The following HS6ST3 variants were observed in gnomAD, a reference collection of about 807,000 sequenced individuals.
HS6ST3 encodes heparan-sulfate 6-O-sulfotransferase 3.
Under a neutral mutation model 36.7 loss-of-function variants are expected in HS6ST3, and 12 were observed. That is an observed-to-expected ratio of 0.33 (90% CI 0.21 to 0.53). HS6ST3 has a LOEUF of 0.53. Ranked by LOEUF, HS6ST3 falls within the 20% of genes least tolerant of loss-of-function variation. HS6ST3 has a pLI of 0.95. For synonymous variants in HS6ST3, 240 were observed against 257.5 expected (o/e 0.93, Z 0.65); for missense variants, 584 against 640.9 (o/e 0.91, Z 0.96).
chr13:96,790,788 C>G (rs952827171), intron 1 of HS6ST3, among the ~76,000 whole-genome samples: 1 of 152,046 alleles, frequency 6.6e-6, no homozygotes, highest in Non-Finnish European at 1.5e-5. Flanking sequence ...CAGTCACCTT[C>G]ACAGGTGATT....
At chr13:96,601,921 G>C (rs1188689870) in intron 1 of HS6ST3, among the ~76,000 whole-genome samples, 1 of 152,170 alleles carries the variant, frequency 6.6e-6, no homozygotes, top group Non-Finnish European at 1.5e-5. Flanking sequence ...CTCAGATGCT[G>C]GTTATAGTAG....
In HS6ST3 at chr13:96,492,320, G is replaced by A. The variant is rs79051697; in HGVS notation, c.708-340170G>A. Among the ~76,000 whole-genome samples, 906 of 152,310 alleles carry A rather than the reference G, an allele frequency of 5.9e-3. 62 individuals carry two copies. In the East Asian group the frequency reaches 0.15, roughly 25 times the overall value. ...CTCTCAGCCAACTTTGGAAAGGTTA[G>A]CATCTTACGTTACTTCAAAATTTGT... On this transcript the variant is annotated intron_variant, in intron 1 of 1. Transcript: ENST00000376705.
intron 1 of HS6ST3, among the ~76,000 whole-genome samples, chr13:96,241,825 G>A (rs1299435232): frequency 2.2e-5 from 3 of 138,150 alleles, no homozygotes; most frequent in Non-Finnish European, 4.5e-5. Context: ...TGGCTCTGTC[G>A]CCAAGGCTGG....
chr13:96,709,054 C>G (rs1594841791), intron 1 of HS6ST3, among the ~76,000 whole-genome samples: 1 of 152,192 alleles, frequency 6.6e-6, no homozygotes, highest in African/African-American at 2.4e-5. Flanking sequence ...AGGGAGAAAC[C>G]TGGTAGGAGG....
intron 1 of HS6ST3, among the ~76,000 whole-genome samples, chr13:96,485,113 T>C (rs1393128917): frequency 1.3e-5 from 2 of 152,174 alleles, no homozygotes; most frequent in African/African-American, 4.8e-5. Flanking sequence ...TTTATCAATG[T>C]CCACAAAATA....
In HS6ST3 at chr13:96,090,929, T is replaced by C. The variant is rs1450259717; in HGVS notation, c.67T>C (p.Tyr23His). ...VLTLLFVVIM[Y>H]QYVSPSCTSS... ...CACTCTCCTCTTCGTGGTCATCATGTACCAGTACGTGTCCCCCTCCTGCAC... is the reference window on the plus strand; with the variant it reads ...CACTCTCCTCTTCGTGGTCATCATGCACCAGTACGTGTCCCCCTCCTGCAC... The change falls in exon 1 of 2, where the codon TAC becomes CAC. Residue 23 changes from tyrosine (Y) to histidine (H), a missense_variant. Transcript: ENST00000376705. 11 of 1,502,602 alleles carry C rather than the reference T, an allele frequency of 7.3e-6. No individual in the cohort carries two copies. Among genetic ancestry groups the C allele is most frequent in the Non-Finnish European group, 9.8e-6 (11 of 1,120,012 alleles). 93.1% of individuals were successfully genotyped at this position (1,502,602 alleles called of 1,614,324 possible).
chr13:96,636,433 G>C (rs1265419313), intron 1 of HS6ST3, among the ~76,000 whole-genome samples: 1 of 152,116 alleles, frequency 6.6e-6, no homozygotes, highest in African/African-American at 2.4e-5. Flanking sequence ...GGGCTGAGAG[G>C]AGAATTTGGC....
In HS6ST3 at chr13:96,315,025, C is replaced by T. The variant is rs138541006; in HGVS notation, c.707+223456C>T. 7.2e-4 allele frequency among the ~76,000 whole-genome samples: 110 copies of T among 152,200 alleles called. 2 individuals carry two copies. Among genetic ancestry groups the T allele is most frequent in the African/African-American group, 2.5e-3 (105 of 41,534 alleles). On this transcript the variant is annotated intron_variant, in intron 1 of 1. Coordinates refer to ENST00000376705, the MANE Select transcript of HS6ST3 (RefSeq NM_153456.4). ...TTTCCCAAGTCTAACACTAGATCTG[C>T]AGATGAACAGACCTTACCTAAATGT...
At chr13:96,426,798 A>G (rs548888516) in intron 1 of HS6ST3, among the ~76,000 whole-genome samples, 4 of 152,122 alleles carry the variant, frequency 2.6e-5, no homozygotes, top group Non-Finnish European at 5.9e-5. Flanking sequence ...TTGTTTCCTT[A>G]AATAGTATGT....
intron 1 of HS6ST3, among the ~76,000 whole-genome samples, chr13:96,157,143 A>T (rs1323617313): frequency 6.6e-6 from 1 of 152,216 alleles, no homozygotes; most frequent in Non-Finnish European, 1.5e-5. Flanking sequence ...AAGGTCTTTA[A>T]TCGCTAACCT....
At chr13:96,381,674 G>A (rs1024926757) in intron 1 of HS6ST3, among the ~76,000 whole-genome samples, 2 of 152,144 alleles carry the variant, frequency 1.3e-5, no homozygotes, top group African/African-American at 4.8e-5. Flanking sequence ...GGTAGGGATA[G>A]CTCTGGAGGT....
At position 96,317,352 on chromosome 13, in the gene HS6ST3, A is replaced by T. The variant is rs1345630659; in HGVS notation, c.707+225783A>T. On this transcript the variant is annotated intron_variant, in intron 1 of 1. Transcript: ENST00000376705. ...TATATATATATATATATATATATAT[A>T]TATATATATATATATAAAATTATAT... Among the ~76,000 whole-genome samples the T allele has an allele frequency of 7.2e-4, 51 of 71,028 alleles. 1 individual carries two copies. Among genetic ancestry groups the T allele is most frequent in the Middle Eastern group, 7.5e-3 (1 of 134 alleles). 46.6% of individuals were successfully genotyped at this position (71,028 alleles called of 152,430 possible).
intron 1 of HS6ST3, among the ~76,000 whole-genome samples, chr13:96,135,048 G>C (rs887051891): frequency 2.0e-5 from 3 of 152,156 alleles, no homozygotes; most frequent in Non-Finnish European, 4.4e-5. Context: ...AGAGGGGAAG[G>C]CTGCTCCTGA....
chr13:96,221,207 A>G (rs979744760), intron 1 of HS6ST3, among the ~76,000 whole-genome samples: 7 of 152,218 alleles, frequency 4.6e-5, no homozygotes, highest in Admixed American at 3.9e-4. Context: ...TTGATTAATT[A>G]GAAAGCAGTT....
At chr13:96,733,363 G>A (rs1294942220) in intron 1 of HS6ST3, among the ~76,000 whole-genome samples, 1 of 152,122 alleles carries the variant, frequency 6.6e-6, no homozygotes, top group Non-Finnish European at 1.5e-5. Flanking sequence ...TTTGCCAAAT[G>A]CTTTTTCTAT....
intron 1 of HS6ST3, among the ~76,000 whole-genome samples, chr13:96,465,673 A>G (rs1887599): frequency 0.83 from 125,934 of 152,030 alleles, 53,815 homozygotes; most frequent in Non-Finnish European, 0.95. Flanking sequence ...TCTGAGGTAA[A>G]GTACAATTTT....
In HS6ST3 at chr13:96,135,923, C is replaced by T. The variant is rs2053999374; in HGVS notation, c.707+44354C>T. Among the ~76,000 whole-genome samples the T allele has an allele frequency of 3.9e-5, 6 of 152,338 alleles. 1 individual carries two copies. The South Asian group carries it at 1.0e-3, about 26-fold the overall frequency. ...CCAACAAACTACACCTGGCAACCTTCACTTACCCCAAAAGAAAGGGCCTCT... is the reference window on the plus strand; with the variant it reads ...CCAACAAACTACACCTGGCAACCTTTACTTACCCCAAAAGAAAGGGCCTCT... On this transcript the variant is annotated intron_variant, in intron 1 of 1. Transcript: ENST00000376705.
At chr13:96,747,312 C>G (rs1230883508) in intron 1 of HS6ST3, among the ~76,000 whole-genome samples, 1 of 152,002 alleles carries the variant, frequency 6.6e-6, no homozygotes, top group African/African-American at 2.4e-5. Flanking sequence ...GAAAAAAGAT[C>G]AATTATATTT....
intron 1 of HS6ST3, among the ~76,000 whole-genome samples, chr13:96,439,207 T>C (rs1178567256): frequency 6.6e-6 from 1 of 152,236 alleles, no homozygotes; most frequent in Admixed American, 6.5e-5. Context: ...GTTCTAGTTC[T>C]AGCTCTATCA....
Sources: gnomAD v4.1 joint callset for allele counts (sites outside exome capture counted in the v4.1 genomes callset) on GRCh38, gnomAD v4.1.1 for gene constraint, MANE v1.5 for transcripts, NCBI Gene and HGNC (gene_info 2026-07-23, HGNC 2026-07-21) for gene names.